The following DMAC2L variants were observed in gnomAD, a reference collection of about 807,000 sequenced individuals.
DMAC2L encodes the protein ATP synthase subunit s, mitochondrial.
In DMAC2L, 21 loss-of-function variants were observed where a neutral mutation model predicts 22.5. That is an observed-to-expected ratio of 0.93 (90% CI 0.66 to 1.34). The LOEUF (loss-of-function observed/expected upper bound fraction) is 1.34. DMAC2L is among the 40% of genes most tolerant of loss of function. The pLI, the probability that DMAC2L is intolerant of heterozygous loss-of-function variation, is 0.00. For missense variants in DMAC2L, 239 were observed against 246.5 expected (o/e 0.97, Z 0.20); for synonymous variants, 86 against 89.5 (o/e 0.96, Z 0.22).
upstream of DMAC2L, chr14:50,312,169 T>C (rs1164890555): frequency 6.2e-7 from 1 of 1,607,956 alleles, no homozygotes; most frequent in South Asian, 1.1e-5. Flanking sequence ...CACGCTCCCC[T>C]CCCTCAGCGC....
At chr14:50,324,759 AAGAAT>A (rs1253884444) in intron 5 of DMAC2L, 1 of 152,204 alleles carries the variant, frequency 6.6e-6, no homozygotes, top group African/African-American at 2.4e-5. Context: ...GTGATGAAAA[AAGAAT>A]AGAAGTTTTT....
intron 1 of DMAC2L, among the ~76,000 whole-genome samples, chr14:50,313,945 T>A (rs1172755819): frequency 6.6e-6 from 1 of 152,238 alleles, no homozygotes; most frequent in Non-Finnish European, 1.5e-5. Context: ...ATCAAGAATG[T>A]TACATAAATG....
Position 50,322,525 on chromosome 14 carries a change from G to C in DMAC2L, c.122G>C (p.Arg41Pro), listed in dbSNP as rs755906483. The C allele has an allele frequency of 1.9e-6, 3 of 1,601,862 alleles. No homozygotes were observed. The highest frequency in any genetic ancestry group is 2.2e-5 in the South Asian group (2 of 90,636). The change falls in exon 4 of 6, where the codon CGC becomes CCC. Residue 41 changes from arginine (R) to proline (P), a missense_variant. Coordinates refer to ENST00000557421, the MANE Select transcript of DMAC2L (RefSeq NM_001382507.1). ...NAVFNKVDYD[R>P]IRDVGPDRAA... ...CTTGCCAACAGGGTGGATTATGATCGCATCAGGGATGTTGGCCCTGACAGG... is the reference window on the plus strand; with the variant it reads ...CTTGCCAACAGGGTGGATTATGATCCCATCAGGGATGTTGGCCCTGACAGG...
At chr14:50,312,631 C>T (rs886728824) in intron 1 of DMAC2L, 7 of 252,666 alleles carry the variant, frequency 2.8e-5, no homozygotes, top group Admixed American at 6.0e-5. Flanking sequence ...CCCGCCCCCG[C>T]CCCGCCCCCG....
rs2031290200 is a variant in DMAC2L, at chr14:50,312,341, G to A, written c.-90G>A. 2 of 736,212 alleles carry A rather than the reference G, an allele frequency of 2.7e-6. No individual in the cohort carries two copies. The highest frequency in any genetic ancestry group is 4.4e-6 in the Non-Finnish European group (2 of 456,402). The allele number at this position is 736,212 out of a possible 1,614,324, so 45.6% of individuals were successfully genotyped here. A position where few individuals can be genotyped will look rare whatever the true frequency, so the allele number is the denominator to read the frequency against. ...AGGGCGAAGGGCCGGCCAGGGTGCCGCAGACGCGGGGACGCTGGCTCGCTC... is the reference window on the plus strand; with the variant it reads ...AGGGCGAAGGGCCGGCCAGGGTGCCACAGACGCGGGGACGCTGGCTCGCTC... On this transcript the variant is annotated 5_prime_UTR_variant, in exon 1 of 6. Coordinates refer to ENST00000557421, the MANE Select transcript of DMAC2L (RefSeq NM_001382507.1).
At chr14:50,324,652 G>A (rs1174569587) in intron 5 of DMAC2L, 1 of 152,240 alleles carries the variant, frequency 6.6e-6, no homozygotes, top group African/African-American at 2.4e-5. Flanking sequence ...CCCACGCCAT[G>A]GCCTGGAGCA....
intron 2 of DMAC2L, among the ~76,000 whole-genome samples, chr14:50,317,421 T>C (rs1470113542): frequency 1.4e-4 from 21 of 152,200 alleles, no homozygotes; most frequent in Admixed American, 1.4e-3. Context: ...CTTTTATTTC[T>C]TTCTCTTGTC....
chr14:50,312,006 C>T, upstream of DMAC2L: 5 of 1,560,080 alleles, frequency 3.2e-6, no homozygotes, highest in Non-Finnish European at 4.3e-6. Flanking sequence ...CCAGCGGCCA[C>T]TCACCTGGTG....
chr14:50,322,998 C>T, intron 4 of DMAC2L: 1 of 1,320,940 alleles, frequency 7.6e-7, no homozygotes, highest in East Asian at 3.1e-5. Flanking sequence ...CTATCTTTGT[C>T]AAACTTCTGT....
chr14:50,312,359 G>GCTCGCTCC lies in DMAC2L; in HGVS notation c.-68_-61dup, dbSNP rs1262343507. 7.7e-6 allele frequency: 5 copies of GCTCGCTCC among 651,996 alleles called. No homozygotes were observed. Among genetic ancestry groups the GCTCGCTCC allele is most frequent in the East Asian group, 2.8e-5 (1 of 36,038 alleles). The allele number at this position is 651,996 out of a possible 1,614,324, so 40.4% of individuals were successfully genotyped here. ...GGGTGCCGCAGACGCGGGGACGCTGGCTCGCTCCCTCCCTCCCTCCCTCCG... is the reference window on the plus strand; with the variant it reads ...GGGTGCCGCAGACGCGGGGACGCTGGCTCGCTCCCTCGCTCCCTCCCTCCCTCCCTCCG... On this transcript the variant is annotated 5_prime_UTR_variant, in exon 1 of 6. Transcript: ENST00000557421.
upstream of DMAC2L, chr14:50,311,895 C>T: frequency 1.4e-6 from 2 of 1,413,292 alleles, no homozygotes; most frequent in East Asian, 2.5e-5. Context: ...TGCCACAGGA[C>T]CCCAACCTGC....
At chr14:50,321,715 A>G (rs1022989455) in intron 3 of DMAC2L, 121 bp downstream of exon 3, 4 of 598,004 alleles carry the variant, frequency 6.7e-6, no homozygotes, top group Non-Finnish European at 1.1e-5. Context: ...AATTTTGTTT[A>G]CAAACAAACA....
chr14:50,312,760 C>A, intron 1 of DMAC2L: 3 of 480,422 alleles, frequency 6.2e-6, no homozygotes, highest in Non-Finnish European at 1.1e-5. Context: ...TAGAAGGGCG[C>A]TCCCTGTCCG....
At position 50,326,724 on chromosome 14, in the gene DMAC2L, T is replaced by C. The variant is rs548340695; in HGVS notation, c.*1001T>C. The stretch of plus-strand genomic sequence containing the variant: ...GGAAACAGTAAAAACTAGTGGGCTA[T>C]GCTTAGGTTTTTCTTGAAACCTAAC... On this transcript the variant is annotated 3_prime_UTR_variant, in exon 6 of 6. Coordinates refer to ENST00000557421, the MANE Select transcript of DMAC2L (RefSeq NM_001382507.1). The C allele has an allele frequency of 4.6e-5, 45 of 985,478 alleles. No homozygotes were observed. In the African/African-American group the frequency reaches 7.3e-4, roughly 16 times the overall value. 61.0% of individuals were successfully genotyped at this position (985,478 alleles called of 1,614,324 possible).
chr14:50,316,404 C>T (rs2031804277), intron 2 of DMAC2L, among the ~76,000 whole-genome samples: 1 of 152,010 alleles, frequency 6.6e-6, no homozygotes, highest in Non-Finnish European at 1.5e-5. Flanking sequence ...GCTCTTTAGT[C>T]CCAACTATTT....
chr14:50,315,107 T>C (rs2139270186), intron 2 of DMAC2L, among the ~76,000 whole-genome samples: 1 of 152,014 alleles, frequency 6.6e-6, no homozygotes, highest in East Asian at 2.0e-4. Flanking sequence ...GCTGGGACTA[T>C]AGGCACCTGC....
intron 1 of DMAC2L, among the ~76,000 whole-genome samples, chr14:50,313,406 C>G (rs149992117): frequency 1.6e-4 from 24 of 152,174 alleles, no homozygotes; most frequent in African/African-American, 5.5e-4. Context: ...GCGGATTACA[C>G]GAGATAAGGT....
chr14:50,324,351 AC>A, intron 5 of DMAC2L: 1 of 281,746 alleles, frequency 3.5e-6, no homozygotes, highest in Non-Finnish European at 6.5e-6. Context: ...TACATTAAGC[AC>A]CTAGCATGGT....
chr14:50,312,292 G>T (rs553882946), upstream of DMAC2L: 3 of 1,273,114 alleles, frequency 2.4e-6, no homozygotes, highest in Admixed American at 6.7e-5. Context: ...AGAGGCTGCG[G>T]TGGCCAATAG....
Sources: gnomAD v4.1 joint callset for allele counts (sites outside exome capture counted in the v4.1 genomes callset) on GRCh38, gnomAD v4.1.1 for gene constraint, MANE v1.5 for transcripts, NCBI Gene and HGNC (gene_info 2026-07-23, HGNC 2026-07-21) for gene names.